Variants in DOK6 observed in about 807,000 individuals in gnomAD.
The protein encoded by DOK6 is downstream of tyrosine kinase 6.
In DOK6, 22 loss-of-function variants were observed where a neutral mutation model predicts 44.0. That is an observed-to-expected ratio of 0.50 (90% CI 0.36 to 0.71). DOK6 has a LOEUF of 0.71. Among genes scored for constraint, DOK6 ranks in the 30% least tolerant of loss-of-function variants. The probability of loss-of-function intolerance (pLI) is 0.00; values close to 1 mark genes in which losing one functional copy is unlikely to be tolerated. For synonymous variants in DOK6, 166 were observed against 145.5 expected, an observed-to-expected ratio of 1.14 and a Z score of -1.01; for missense variants, 340 against 416.4, an observed-to-expected ratio of 0.82 and a Z score of 1.60.
At chr18:69,614,149 C>T (rs904472752) in intron 3 of DOK6, among the ~76,000 whole-genome samples, 1 of 152,058 alleles carries the variant, frequency 6.6e-6, no homozygotes, top group Non-Finnish European at 1.5e-5. Flanking sequence ...TTCCCCATAA[C>T]GATTTGTGTT....
At chr18:69,497,489 G>A (rs1297894726) in intron 1 of DOK6, among the ~76,000 whole-genome samples, 2 of 152,066 alleles carry the variant, frequency 1.3e-5, no homozygotes, top group African/African-American at 4.8e-5. Flanking sequence ...TGGGTATAGG[G>A]GCTGACTTGG....
At chr18:69,647,124 T>A (rs1568321236) in intron 3 of DOK6, among the ~76,000 whole-genome samples, 1 of 152,090 alleles carries the variant, frequency 6.6e-6, no homozygotes, top group African/African-American at 2.4e-5. Context: ...CCTATCTGTC[T>A]ATCCTGTCTA....
chr18:69,464,861 A>G (rs2066020290), intron 1 of DOK6, among the ~76,000 whole-genome samples: 1 of 152,238 alleles, frequency 6.6e-6, no homozygotes, highest in South Asian at 2.1e-4. Flanking sequence ...TCCAAGAACA[A>G]CAATAAAGAC....
At chr18:69,773,592 G>T (rs1404879005) in intron 7 of DOK6, among the ~76,000 whole-genome samples, 1 of 151,972 alleles carries the variant, frequency 6.6e-6, no homozygotes, top group Non-Finnish European at 1.5e-5. Context: ...TTCACAGAAG[G>T]ACAAATATTA....
intron 1 of DOK6, among the ~76,000 whole-genome samples, chr18:69,504,493 A>G (rs1981130316): frequency 6.6e-6 from 1 of 152,182 alleles, no homozygotes; most frequent in Admixed American, 6.5e-5. Flanking sequence ...GTTAAGGCAA[A>G]TATAATGTGT....
At chr18:69,835,290 G>A (rs552260508) in intron 7 of DOK6, among the ~76,000 whole-genome samples, 2 of 152,150 alleles carry the variant, frequency 1.3e-5, no homozygotes, top group South Asian at 2.1e-4. Context: ...GTGAAACCCC[G>A]TCTCTATTTA....
At chr18:69,513,720 T>TA (rs971508650) in intron 1 of DOK6, among the ~76,000 whole-genome samples, 2 of 152,094 alleles carry the variant, frequency 1.3e-5, no homozygotes, top group Non-Finnish European at 2.9e-5. Flanking sequence ...ACAGTAATTA[T>TA]AAAAAAAATT....
At chr18:69,482,637 T>C (rs17081004) in intron 1 of DOK6, among the ~76,000 whole-genome samples, 23,414 of 151,946 alleles carry the variant, frequency 0.15, 2,347 homozygotes, top group East Asian at 0.53. Flanking sequence ...TAATATTTCA[T>C]GCAGCATAAA....
chr18:69,788,480 A>G (rs545436032), intron 7 of DOK6, among the ~76,000 whole-genome samples: 1 of 152,298 alleles, frequency 6.6e-6, no homozygotes, highest in South Asian at 2.1e-4. Flanking sequence ...GCAGAATGGA[A>G]GTTTTCAATG....
chr18:69,693,915 C>A (rs894997276), intron 4 of DOK6, among the ~76,000 whole-genome samples: 3 of 151,566 alleles, frequency 2.0e-5, no homozygotes, highest in Non-Finnish European at 4.4e-5. Context: ...AAAAATTAGC[C>A]GGGCGTGGTG....
chr18:69,424,572 T>C (rs967097078), intron 1 of DOK6, among the ~76,000 whole-genome samples: 4 of 152,232 alleles, frequency 2.6e-5, no homozygotes, highest in Non-Finnish European at 1.5e-5. Context: ...TATAGTCTTC[T>C]ATGTCTTACT....
intron 4 of DOK6, among the ~76,000 whole-genome samples, chr18:69,688,567 G>A (rs1986200309): frequency 6.6e-6 from 1 of 152,206 alleles, no homozygotes; most frequent in East Asian, 1.9e-4. Flanking sequence ...CTATTGCCCA[G>A]GCTGGAGTGC....
intron 7 of DOK6, among the ~76,000 whole-genome samples, chr18:69,762,593 A>G (rs1048473781): frequency 6.6e-6 from 1 of 152,248 alleles, no homozygotes; most frequent in East Asian, 1.9e-4. Flanking sequence ...TGAGATCAAT[A>G]TGAATTAAAT....
At chr18:69,509,637 CAAAAAAAAAAAAA>C (rs1183367298) in intron 1 of DOK6, among the ~76,000 whole-genome samples, 2 of 34,018 alleles carry the variant, frequency 5.9e-5, no homozygotes, top group Admixed American at 7.5e-4. Flanking sequence ...GGCTCTGTCT[CAAAAAAAAAAAAA>C]AAAAAAAAAA....
chr18:69,407,853 C>T (rs1978291512), intron 1 of DOK6, among the ~76,000 whole-genome samples: 1 of 152,120 alleles, frequency 6.6e-6, no homozygotes, highest in Non-Finnish European at 1.5e-5. Flanking sequence ...TTTGGCTTAA[C>T]AGTAAAATTA....
At chr18:69,527,724 T>C (rs1981870153) in intron 1 of DOK6, among the ~76,000 whole-genome samples, 1 of 152,226 alleles carries the variant, frequency 6.6e-6, no homozygotes, top group South Asian at 2.1e-4. Context: ...GAAGCCTACT[T>C]AGAAAAGGCA....
At chr18:69,668,014 C>A (rs1985702986) in intron 3 of DOK6, among the ~76,000 whole-genome samples, 1 of 152,188 alleles carries the variant, frequency 6.6e-6, no homozygotes, top group Non-Finnish European at 1.5e-5. Flanking sequence ...TCCTCTAAAT[C>A]TGCTTTTCTC....
Position 69,541,954 on chromosome 18 carries a change from T to G in DOK6, c.67-22533T>G, listed in dbSNP as rs538694414. 7.1e-4 allele frequency among the ~76,000 whole-genome samples: 107 copies of G among 151,538 alleles called. 2 individuals are homozygous for G. Among genetic ancestry groups the G allele is most frequent in the Admixed American group, 7.9e-4 (12 of 15,218 alleles). The stretch of plus-strand genomic sequence containing the variant: ...CTCATAAATAAGTAAATAAATAATT[T>G]TAAAAAGAAAGGGAGTTGACAAGTA... On this transcript the variant is annotated intron_variant, in intron 1 of 7. Coordinates refer to ENST00000382713, the MANE Select transcript of DOK6 (RefSeq NM_152721.6).
intron 2 of DOK6, among the ~76,000 whole-genome samples, chr18:69,580,779 C>A (rs1281344445): frequency 6.6e-6 from 1 of 152,094 alleles, no homozygotes; most frequent in Non-Finnish European, 1.5e-5. Flanking sequence ...ACTTATTCCT[C>A]CTATCTAGCT....
Sources: gnomAD v4.1 joint callset for allele counts (sites outside exome capture counted in the v4.1 genomes callset) on GRCh38, gnomAD v4.1.1 for gene constraint, MANE v1.5 for transcripts, NCBI Gene and HGNC (gene_info 2026-07-23, HGNC 2026-07-21) for gene names.